The following GFRA2 variants were observed in gnomAD, a reference collection of about 807,000 sequenced individuals.
GFRA2 encodes the protein GDNF family receptor alpha-2.
A neutral mutation model predicts 48.3 loss-of-function variants in GFRA2; 17 were observed. The observed-to-expected ratio is 0.35, with a 90% CI of 0.24 to 0.53. The LOEUF is 0.53. GFRA2 is among the 20% of genes least tolerant of loss of function. GFRA2 has a pLI of 0.93. For missense variants in GFRA2, 660 were observed against 637.3 expected (o/e 1.04, Z -0.38); for synonymous variants, 305 against 257.2 (o/e 1.19, Z -1.78).
At chr8:21,698,405 C>T (rs959165609) in intron 7 of GFRA2, among the ~76,000 whole-genome samples, 2 of 152,278 alleles carry the variant, frequency 1.3e-5, no homozygotes, top group South Asian at 2.1e-4. Context: ...GCCCAGGAAG[C>T]GAGAAGGAAA....
intron 2 of GFRA2, among the ~76,000 whole-genome samples, chr8:21,778,953 C>T (rs1806840661): frequency 1.3e-5 from 2 of 152,088 alleles, no homozygotes; most frequent in South Asian, 4.2e-4. Context: ...ATCATCCCAC[C>T]ACTTTGGTAG....
At chr8:21,720,110 G>T (rs537558372) in intron 4 of GFRA2, among the ~76,000 whole-genome samples, 2 of 151,782 alleles carry the variant, frequency 1.3e-5, no homozygotes, top group Non-Finnish European at 2.9e-5. Flanking sequence ...ATTATTCCAC[G>T]GCATATTGTT....
rs917737593 is a variant in GFRA2 at position 21,712,755 on chromosome 8, G to T, written c.795-6714C>A. Among the ~76,000 whole-genome samples, 12 of 152,232 alleles carry T rather than the reference G, an allele frequency of 7.9e-5. 1 individual carries two copies. Among genetic ancestry groups the T allele is most frequent in the African/African-American group, 2.9e-4 (12 of 41,458 alleles). On this transcript the variant is annotated intron_variant, in intron 4 of 8. Coordinates refer to ENST00000524240, the MANE Select transcript of GFRA2 (RefSeq NM_001495.5). ...TGAACGAGACTCCGTCTGCAATCACGGCACCTCGGGAGGCCGAGGCTGGCG... is the reference window on the plus strand; with the variant it reads ...TGAACGAGACTCCGTCTGCAATCACTGCACCTCGGGAGGCCGAGGCTGGCG...
At chr8:21,731,297 C>G (rs1444151245) in intron 4 of GFRA2, among the ~76,000 whole-genome samples, 1 of 152,070 alleles carries the variant, frequency 6.6e-6, no homozygotes, top group East Asian at 1.9e-4. Context: ...GACAAAAACA[C>G]AGGGTCAAAC....
intron 7 of GFRA2, among the ~76,000 whole-genome samples, chr8:21,701,191 G>A (rs988395620): frequency 6.6e-6 from 1 of 152,198 alleles, no homozygotes. Context: ...TCAGGAGATC[G>A]AGACCATCCT....
At chr8:21,724,544 G>T (rs2117460786) in intron 4 of GFRA2, among the ~76,000 whole-genome samples, 1 of 152,280 alleles carries the variant, frequency 6.6e-6, no homozygotes, top group South Asian at 2.1e-4. Flanking sequence ...AAACACTGCT[G>T]GAAGGCCTTA....
chr8:21,790,173 T>A, upstream of GFRA2: 1 of 867,082 alleles, frequency 1.2e-6, no homozygotes, highest in East Asian at 1.2e-4. Flanking sequence ...GCGGTCACGT[T>A]CCGGCGAGAG....
intron 2 of GFRA2, among the ~76,000 whole-genome samples, chr8:21,778,959 G>C (rs1217212273): frequency 1.3e-5 from 2 of 152,070 alleles, no homozygotes; most frequent in Admixed American, 6.5e-5. Context: ...CCACCACTTT[G>C]GTAGGCCGAG....
chr8:21,789,955 C>A (rs1359962079), upstream of GFRA2: 9 of 517,598 alleles, frequency 1.7e-5, no homozygotes, highest in Admixed American at 2.5e-4. Context: ...CGGCTGGGCT[C>A]CGAGGAGCTC....
chr8:21,752,238 T>C (rs1171354962), intron 3 of GFRA2, among the ~76,000 whole-genome samples: 1 of 151,988 alleles, frequency 6.6e-6, no homozygotes, highest in African/African-American at 2.4e-5. Flanking sequence ...ATTTTTCTGC[T>C]CCCCTTGAAA....
At chr8:21,748,651 G>A (rs1585291731) in intron 4 of GFRA2, among the ~76,000 whole-genome samples, 1 of 152,142 alleles carries the variant, frequency 6.6e-6, no homozygotes, top group Non-Finnish European at 1.5e-5. Flanking sequence ...TACTTTCTCT[G>A]TAACTTGCCA....
At chr8:21,705,163 C>T (rs374652286) in intron 5 of GFRA2, 38 bp from the exon 6 acceptor site, 49 of 1,580,572 alleles carry the variant, frequency 3.1e-5, no homozygotes, top group South Asian at 1.4e-4. Flanking sequence ...GAGAGAGGTA[C>T]GGTGGGGCCT....
intron 4 of GFRA2, among the ~76,000 whole-genome samples, chr8:21,727,506 G>A (rs1803931297): frequency 6.6e-6 from 1 of 152,172 alleles, no homozygotes; most frequent in African/African-American, 2.4e-5. Flanking sequence ...GAGCCTCAGC[G>A]CTCCACGCCT....
chr8:21,740,784 T>A (rs1804711030), intron 4 of GFRA2, among the ~76,000 whole-genome samples: 1 of 152,244 alleles, frequency 6.6e-6, no homozygotes, highest in Non-Finnish European at 1.5e-5. Flanking sequence ...ATGGAACTCC[T>A]GATTTATCTC....
At chr8:21,767,763 C>T (rs1585320012) in intron 3 of GFRA2, among the ~76,000 whole-genome samples, 1 of 152,228 alleles carries the variant, frequency 6.6e-6, no homozygotes, top group Non-Finnish European at 1.5e-5. Context: ...AACCACAGCA[C>T]CTGAAATACC....
At chr8:21,795,954 G>T (rs866105577) in intron 2 of GFRA2, among the ~76,000 whole-genome samples, 1 of 152,200 alleles carries the variant, frequency 6.6e-6, no homozygotes, top group African/African-American at 2.4e-5. Flanking sequence ...ACAGACCTGG[G>T]AAGGGCTGTT....
intron 3 of GFRA2, among the ~76,000 whole-genome samples, chr8:21,761,255 C>T (rs766524344): frequency 3.9e-5 from 6 of 152,242 alleles, no homozygotes; most frequent in Non-Finnish European, 7.3e-5. Flanking sequence ...TTGCAACAAA[C>T]ACTTACTGAC....
chr8:21,705,335 A>G (rs1802687391), intron 5 of GFRA2, among the ~76,000 whole-genome samples: 1 of 152,164 alleles, frequency 6.6e-6, no homozygotes, highest in African/African-American at 2.4e-5. Flanking sequence ...GGCCAGCAGC[A>G]TAGAGGACAC....
intron 4 of GFRA2, among the ~76,000 whole-genome samples, chr8:21,731,377 G>A (rs1256953449): frequency 6.6e-6 from 1 of 152,150 alleles, no homozygotes; most frequent in Non-Finnish European, 1.5e-5. Context: ...AGAAACAGAG[G>A]AATCTTGGGA....
Sources: gnomAD v4.1 joint callset for allele counts (sites outside exome capture counted in the v4.1 genomes callset) on GRCh38, gnomAD v4.1.1 for gene constraint, MANE v1.5 for transcripts, NCBI Gene and HGNC (gene_info 2026-07-23, HGNC 2026-07-21) for gene names.